Variants in PARD3B observed in about 807,000 individuals in gnomAD.
PARD3B encodes the protein par-3 family cell polarity regulator beta, also known as partitioning defective 3 homolog B.
PARD3B carries 103 observed loss-of-function variants against 130.2 expected under a neutral mutation model. The observed-to-expected ratio is 0.79, with a 90% CI of 0.67 to 0.93. The LOEUF is 0.93. Ranked by LOEUF, PARD3B falls within the 40% of genes least tolerant of loss-of-function variation. PARD3B has a pLI of 0.00. For synonymous variants in PARD3B, 583 were observed against 553.2 expected (o/e 1.05, Z -0.76); for missense variants, 1,609 against 1,499.2 (o/e 1.07, Z -1.21).
intron 1 of PARD3B, among the ~76,000 whole-genome samples, chr2:204,578,193 A>C (rs2032366381): frequency 6.6e-6 from 1 of 152,206 alleles, no homozygotes; most frequent in Non-Finnish European, 1.5e-5. Flanking sequence ...TTTAGTGTAC[A>C]GTTCTGCAAG....
chr2:204,990,639 A>T (rs1011784398), intron 3 of PARD3B, among the ~76,000 whole-genome samples: 1 of 151,542 alleles, frequency 6.6e-6, no homozygotes, highest in African/African-American at 2.4e-5. Context: ...CTGTGTGTGT[A>T]TGTGTGTGTG....
intron 20 of PARD3B, among the ~76,000 whole-genome samples, chr2:205,456,605 G>C (rs995111202): frequency 3.3e-5 from 5 of 151,624 alleles, no homozygotes; most frequent in African/African-American, 1.2e-4. Context: ...AAATGAGCAT[G>C]AATTTTGTCA....
At chr2:204,845,509 A>C (rs2044425347) in intron 2 of PARD3B, among the ~76,000 whole-genome samples, 1 of 152,122 alleles carries the variant, frequency 6.6e-6, no homozygotes, top group Non-Finnish European at 1.5e-5. Flanking sequence ...TTAGATATGT[A>C]AGGGGTGGTA....
In PARD3B at chr2:204,675,076, C is replaced by A. The variant is rs2036473719; in HGVS notation, c.121-11105C>A. ...GTGTAGGCTTTGAATTCCTCTGGAC[C>A]ACACAAGTTTCTAAAACCTTGGCAT... is the stretch of plus-strand genomic sequence containing the variant. On this transcript the variant is annotated intron_variant, in intron 1 of 22. Transcript: ENST00000406610. This position sits in a 1 kb window ranked among gnomAD's most constrained non-coding sequence, Gnocchi z 4.4. 6.6e-6 allele frequency among the ~76,000 whole-genome samples: 1 copy of A among 152,086 alleles called. No homozygotes were observed. Among genetic ancestry groups the A allele is most frequent in the Non-Finnish European group, 1.5e-5 (1 of 68,002 alleles).
At chr2:204,785,969 C>T (rs1461711928) in intron 2 of PARD3B, among the ~76,000 whole-genome samples, 1 of 151,940 alleles carries the variant, frequency 6.6e-6, no homozygotes, top group Non-Finnish European at 1.5e-5. Flanking sequence ...AAAAAAATAG[C>T]TGGGCGTAGG....
chr2:204,593,277 G>A (rs141629480), intron 1 of PARD3B, among the ~76,000 whole-genome samples: 66 of 152,284 alleles, frequency 4.3e-4, no homozygotes, highest in African/African-American at 1.6e-3. Context: ...CCTCAACGTA[G>A]ATTGAGGATC....
chr2:205,463,181 T>C lies in PARD3B; in HGVS notation c.3044+22509T>C, dbSNP rs2048508484. ...TGTTGCTGATTTTGTCATTTCTGAA[T>C]GCCTAGAACTAAGGAATATCTTGGC... On this transcript the variant is annotated intron_variant, in intron 20 of 22. Coordinates refer to ENST00000406610, the MANE Select transcript of PARD3B (RefSeq NM_001302769.2). The surrounding 1 kb of genome is among the most constrained non-coding windows in gnomAD (Gnocchi z 4.8). 1.3e-5 allele frequency among the ~76,000 whole-genome samples: 2 copies of C among 152,204 alleles called. No individual in the cohort carries two copies. The highest frequency in any genetic ancestry group is 4.8e-5 in the African/African-American group (2 of 41,456).
At position 204,861,270 on chromosome 2, in the gene PARD3B, G is replaced by C. The variant is rs114602541; in HGVS notation, c.223-103882G>C. 8.3e-3 allele frequency among the ~76,000 whole-genome samples: 1,190 copies of C among 143,518 alleles called. 13 individuals carry two copies. Among genetic ancestry groups the C allele is most frequent in the African/African-American group, 0.026 (1,047 of 39,704 alleles). The allele number at this position is 143,518 out of a possible 152,430, so 94.2% of individuals were successfully genotyped here. On this transcript the variant is annotated intron_variant, in intron 2 of 22. Transcript: ENST00000406610. ...ATTAATTAATTTAGATGACTTTCAC[G>C]TAGTAACTTTTATCCACAAGTAATA...
intron 18 of PARD3B, among the ~76,000 whole-genome samples, chr2:205,387,312 C>T (rs2045695469): frequency 6.6e-6 from 1 of 152,172 alleles, no homozygotes; most frequent in Non-Finnish European, 1.5e-5. Flanking sequence ...AACTACCTCT[C>T]CTCCCTCTAA....
At chr2:204,951,028 A>C (rs1575399992) in intron 2 of PARD3B, among the ~76,000 whole-genome samples, 1 of 152,132 alleles carries the variant, frequency 6.6e-6, no homozygotes, top group East Asian at 1.9e-4. Flanking sequence ...CTTGCTGGGC[A>C]ATTGAGGGAA....
chr2:204,839,454 A>G (rs1004222009), intron 2 of PARD3B, among the ~76,000 whole-genome samples: 3 of 152,058 alleles, frequency 2.0e-5, no homozygotes, highest in African/African-American at 7.2e-5. Flanking sequence ...TGTATTTTCC[A>G]TTTTGATTTT....
Position 204,592,340 on chromosome 2 carries a change from C to A in PARD3B, c.120+46221C>A, listed in dbSNP as rs375565823. On this transcript the variant is annotated intron_variant, in intron 1 of 22. Coordinates refer to ENST00000406610, the MANE Select transcript of PARD3B (RefSeq NM_001302769.2). ...AAAGAGCACATGTGAGCTTATTTAA[C>A]CCCTATGTAAAGAGATTATTTTGGT... Among the ~76,000 whole-genome samples the A allele has an allele frequency of 1.2e-4, 19 of 152,278 alleles. No homozygotes were observed. The South Asian group carries it at 3.9e-3, about 32-fold the overall frequency.
At chr2:204,821,298 C>T (rs1157954743) in intron 2 of PARD3B, among the ~76,000 whole-genome samples, 2 of 152,008 alleles carry the variant, frequency 1.3e-5, no homozygotes, top group Non-Finnish European at 2.9e-5. Context: ...TGGGAACCAA[C>T]CCAAATGTCC....
chr2:204,933,662 G>A (rs1349224912), intron 2 of PARD3B, among the ~76,000 whole-genome samples: 1 of 152,168 alleles, frequency 6.6e-6, no homozygotes, highest in African/African-American at 2.4e-5. Flanking sequence ...AGCTATCAGA[G>A]TTCATCTTTT....
At chr2:204,966,736 GAA>G (rs367826072) in intron 3 of PARD3B, among the ~76,000 whole-genome samples, 2 of 151,662 alleles carry the variant, frequency 1.3e-5, no homozygotes, top group Non-Finnish European at 2.9e-5. Flanking sequence ...TCGAATGCAA[GAA>G]AAAAAAGTCA....
At chr2:205,191,129 A>G (rs967114486) in intron 14 of PARD3B, among the ~76,000 whole-genome samples, 3 of 151,634 alleles carry the variant, frequency 2.0e-5, no homozygotes, top group Non-Finnish European at 4.4e-5. Context: ...AAACTTCTTG[A>G]GAAATTTTTA....
chr2:205,387,471 A>G (rs541835124), intron 18 of PARD3B, among the ~76,000 whole-genome samples: 22 of 152,232 alleles, frequency 1.4e-4, no homozygotes, highest in African/African-American at 5.1e-4. Flanking sequence ...TTGTTCTTTT[A>G]TCCAAAGTGA....
chr2:204,636,813 G>T (rs953000881), intron 1 of PARD3B, among the ~76,000 whole-genome samples: 22 of 151,978 alleles, frequency 1.4e-4, no homozygotes, highest in African/African-American at 5.3e-4. Flanking sequence ...TTTTACAACT[G>T]CATTCTACCC....
chr2:204,727,241 A>G (rs1261409491), intron 2 of PARD3B, among the ~76,000 whole-genome samples: 1 of 152,186 alleles, frequency 6.6e-6, no homozygotes, highest in African/African-American at 2.4e-5. Context: ...ATTTGTGTAC[A>G]CATGTTTCAT....
Sources: gnomAD v4.1 joint callset for allele counts (sites outside exome capture counted in the v4.1 genomes callset) on GRCh38, gnomAD v4.1.1 for gene constraint, Gnocchi (gnomAD v3.1) non-coding constraint, MANE v1.5 for transcripts, NCBI Gene and HGNC (gene_info 2026-07-23, HGNC 2026-07-21) for gene names.